Variants in ENTREP2 observed in about 807,000 individuals in gnomAD.
ENTREP2 encodes endosomal transmembrane epsin interactor 2.
At chr15:29,635,825 G>A in the ENTREP2 span, among the ~76,000 whole-genome samples, 3 of 152,138 alleles carry the variant, frequency 2.0e-5, no homozygotes, top group Admixed American at 6.5e-5. Flanking sequence ...AATCAGGATG[G>A]AGCCTCCACT....
the ENTREP2 span, among the ~76,000 whole-genome samples, chr15:29,576,969 G>A: frequency 1.2e-3 from 174 of 151,272 alleles, 2 homozygotes; most frequent in Middle Eastern, 0.01. Context: ...CACCGCACCC[G>A]CTAATTTTTT....
chr15:29,442,107 C>T, the ENTREP2 span, among the ~76,000 whole-genome samples: 5 of 152,312 alleles, frequency 3.3e-5, no homozygotes, highest in Middle Eastern at 3.4e-3. Context: ...GGAAAAGCCT[C>T]CTCACTGGGA....
the ENTREP2 span, among the ~76,000 whole-genome samples, chr15:29,326,506 A>C: frequency 2.6e-5 from 4 of 152,178 alleles, no homozygotes; most frequent in Admixed American, 1.3e-4. Flanking sequence ...TATAAATCTG[A>C]CAAAATATGT....
At chr15:29,596,181 G>T in the ENTREP2 span, among the ~76,000 whole-genome samples, 1 of 152,146 alleles carries the variant, frequency 6.6e-6, no homozygotes, top group South Asian at 2.1e-4. Flanking sequence ...TACTTTTAAT[G>T]TAACTGTCTG....
the ENTREP2 span, among the ~76,000 whole-genome samples, chr15:29,363,520 T>C: frequency 1.7e-4 from 26 of 152,184 alleles, no homozygotes; most frequent in Non-Finnish European, 8.8e-5. Flanking sequence ...AAGAAGTTAA[T>C]ATATGCAGCG....
the ENTREP2 span, among the ~76,000 whole-genome samples, chr15:29,318,129 C>T: frequency 6.6e-6 from 1 of 152,058 alleles, no homozygotes; most frequent in Admixed American, 6.6e-5. Context: ...GCAGGCAGGC[C>T]GTGTTTTATT....
the ENTREP2 span, among the ~76,000 whole-genome samples, chr15:29,506,800 A>G: frequency 6.6e-6 from 1 of 152,196 alleles, no homozygotes; most frequent in Admixed American, 6.5e-5. Context: ...CACTGCAAAA[A>G]CAAACCAAAA....
the ENTREP2 span, among the ~76,000 whole-genome samples, chr15:29,379,747 C>T: frequency 6.6e-6 from 1 of 152,074 alleles, no homozygotes; most frequent in African/African-American, 2.4e-5. Flanking sequence ...AAATGCCCAG[C>T]CCTGTGAGAT....
At chr15:29,137,065 A>G in the ENTREP2 span, 2 of 1,455,898 alleles carry the variant, frequency 1.4e-6, no homozygotes, top group African/African-American at 1.5e-5. Context: ...GTGCAGGTGT[A>G]CTCTGGGGGG....
chr15:29,489,258 A>T, the ENTREP2 span, among the ~76,000 whole-genome samples: 1,925 of 152,294 alleles, frequency 0.013, 35 homozygotes, highest in African/African-American at 0.044. Context: ...TGCCTGGCCG[A>T]GAGAAATATG....
At chr15:29,645,107 C>G in the ENTREP2 span, among the ~76,000 whole-genome samples, 1 of 151,982 alleles carries the variant, frequency 6.6e-6, no homozygotes, top group African/African-American at 2.4e-5. Context: ...AGAGGAACAC[C>G]AAATACACAC....
chr15:29,215,577 AATAT>A, the ENTREP2 span, among the ~76,000 whole-genome samples: 9,133 of 144,684 alleles, frequency 0.063, 961 homozygotes, highest in African/African-American at 0.22. Context: ...AAATATATAT[AATAT>A]ATATATATAT....
the ENTREP2 span, among the ~76,000 whole-genome samples, chr15:29,130,972 G>C: frequency 6.6e-6 from 1 of 152,226 alleles, no homozygotes; most frequent in South Asian, 2.1e-4. Flanking sequence ...GTTGACAGGA[G>C]ACGCTGTGGG....
chr15:29,388,371 C>A, the ENTREP2 span, among the ~76,000 whole-genome samples: 1 of 152,214 alleles, frequency 6.6e-6, no homozygotes, highest in East Asian at 1.9e-4. Context: ...AAAAAATGCT[C>A]ATCATCACTG....
the ENTREP2 span, among the ~76,000 whole-genome samples, chr15:29,364,278 T>C: frequency 6.6e-6 from 1 of 152,202 alleles, no homozygotes; most frequent in Non-Finnish European, 1.5e-5. Context: ...GGTAAGGCAC[T>C]GATTAAGAGC....
the ENTREP2 span, among the ~76,000 whole-genome samples, chr15:29,477,430 G>A: frequency 6.6e-6 from 1 of 152,152 alleles, no homozygotes; most frequent in Non-Finnish European, 1.5e-5. Flanking sequence ...AAAAAAATAA[G>A]GGCTGAGGAG....
the ENTREP2 span, among the ~76,000 whole-genome samples, chr15:29,663,724 G>A: frequency 6.6e-6 from 1 of 152,108 alleles, no homozygotes; most frequent in African/African-American, 2.4e-5. Flanking sequence ...GGGGGAGGGG[G>A]AGGGGGGAGA....
At chr15:29,185,469 T>C in the ENTREP2 span, among the ~76,000 whole-genome samples, 1 of 152,264 alleles carries the variant, frequency 6.6e-6, no homozygotes, top group African/African-American at 2.4e-5. Context: ...GAAGCATGAG[T>C]CTGATGAGTT....
chr15:29,219,635 A>ATATATATATATC, the ENTREP2 span, among the ~76,000 whole-genome samples: 1 of 31,434 alleles, frequency 3.2e-5, no homozygotes, highest in Non-Finnish European at 7.6e-5. Context: ...ATATATATAT[A>ATATATATATATC]TATATATATA....
Sources: allele counts gnomAD v4.1 joint callset (sites outside exome capture counted in the v4.1 genomes callset), GRCh38; gene constraint gnomAD v4.1.1; transcripts MANE v1.5; gene names NCBI Gene and HGNC (gene_info 2026-07-23, HGNC 2026-07-21).